GALNTL5: variants seen among roughly 807,000 people sequenced by gnomAD.
GALNTL5 encodes polypeptide N-acetylgalactosaminyltransferase like 5.
In GALNTL5, 44 loss-of-function variants were observed where a neutral mutation model predicts 51.0. That is an observed-to-expected ratio of 0.86 (90% CI 0.68 to 1.11). The LOEUF (loss-of-function observed/expected upper bound fraction) is 1.11, where lower values mean the gene tolerates loss of function less well. Ranked by LOEUF, GALNTL5 falls within the 50% of genes least tolerant of loss-of-function variation. GALNTL5 has a pLI of 0.00. For synonymous variants in GALNTL5, 192 were observed against 182.8 expected, an observed-to-expected ratio of 1.05 and a Z score of -0.41; for missense variants, 528 against 531.8, an observed-to-expected ratio of 0.99 and a Z score of 0.07.
intron 1 of GALNTL5, among the ~76,000 whole-genome samples, chr7:151,962,071 C>T (rs577913418): frequency 1.4e-5 from 2 of 147,862 alleles, no homozygotes; most frequent in African/African-American, 2.5e-5. Context: ...GGTGTGATCT[C>T]GGCTCACTGC....
intron 1 of GALNTL5, chr7:151,957,840 A>T (rs1371776589): frequency 1.3e-5 from 2 of 152,278 alleles, no homozygotes; most frequent in East Asian, 1.9e-4. Context: ...TCTTCTGAAG[A>T]CACAAAGTCC....
intron 3 of GALNTL5, among the ~76,000 whole-genome samples, chr7:151,977,860 T>C (rs2081227029): frequency 6.6e-6 from 1 of 152,178 alleles, no homozygotes; most frequent in African/African-American, 2.4e-5. Flanking sequence ...AAAAGTTGTG[T>C]ATCTTATTTC....
At chr7:151,989,433 G>A (rs1563014914) in intron 5 of GALNTL5, among the ~76,000 whole-genome samples, 1 of 152,164 alleles carries the variant, frequency 6.6e-6, no homozygotes, top group African/African-American at 2.4e-5. Context: ...GATTACAAGT[G>A]TGAGCCACTG....
chr7:152,003,709 G>C (rs1404850279), intron 6 of GALNTL5, among the ~76,000 whole-genome samples: 1 of 152,060 alleles, frequency 6.6e-6, no homozygotes, highest in Non-Finnish European at 1.5e-5. Context: ...AAAATAAACA[G>C]CATTAATCTT....
At chr7:151,959,422 C>T (rs2080965567) in intron 1 of GALNTL5, among the ~76,000 whole-genome samples, 1 of 152,090 alleles carries the variant, frequency 6.6e-6, no homozygotes, top group African/African-American at 2.4e-5. Flanking sequence ...GCCTTCTTCT[C>T]TTTATATATT....
chr7:151,996,506 G>C (rs980152677), intron 5 of GALNTL5, among the ~76,000 whole-genome samples: 3 of 152,224 alleles, frequency 2.0e-5, no homozygotes, highest in Non-Finnish European at 4.4e-5. Context: ...TTGGGAGGCT[G>C]AGGCGGGAGG....
chr7:151,957,891 G>C (rs1225443564), intron 1 of GALNTL5: 1 of 152,020 alleles, frequency 6.6e-6, no homozygotes. Flanking sequence ...CTCTTGATAG[G>C]AGGGGTTTTC....
At position 152,002,813 on chromosome 7, in the gene GALNTL5, G is replaced by A. The variant is rs576450198; in HGVS notation, c.758G>A (p.Cys253Tyr). ...AIAKDPKMVV[C>Y]PLIDVIDDRT... ...GCCAAGGACCCCAAAATGGTGGTGT[G>A]CCCCCTGATAGATGTCATTGATGAT... Residue 253 changes from cysteine (C) to tyrosine (Y), a missense_variant, in exon 6 of 9, where the codon TGC (cysteine) becomes TAC (tyrosine). Cys to Tyr is a radical substitution (Grantham distance 194). Coordinates refer to ENST00000392800, the MANE Select transcript of GALNTL5 (RefSeq NM_145292.4). 2 of 1,614,124 alleles carry A rather than the reference G, an allele frequency of 1.2e-6. No individual in the cohort carries two copies. The highest frequency in any genetic ancestry group is 2.7e-5 in the African/African-American group (2 of 75,024).
intron 6 of GALNTL5, among the ~76,000 whole-genome samples, chr7:152,004,801 G>C (rs901469745): frequency 6.6e-6 from 1 of 152,132 alleles, no homozygotes; most frequent in East Asian, 1.9e-4. Flanking sequence ...TTTTATGGCT[G>C]AATAGTATTC....
chr7:151,962,875 C>A (rs1034203082), intron 1 of GALNTL5, among the ~76,000 whole-genome samples: 1 of 152,188 alleles, frequency 6.6e-6, no homozygotes, highest in Non-Finnish European at 1.5e-5. Flanking sequence ...TCCCAAAGTG[C>A]TGGGATTCCA....
chr7:151,994,864 TCTC>T (rs55806718), intron 5 of GALNTL5: 106,068 of 151,116 alleles, frequency 0.7, 37,292 homozygotes, highest in Middle Eastern at 0.78. Flanking sequence ...TTCACACCAT[TCTC>T]CTGCCTCAGC....
At position 152,019,031 on chromosome 7, in the gene GALNTL5, C is replaced by T. The variant is rs139001398; in HGVS notation, c.1177-615C>T. Among the ~76,000 whole-genome samples, 85 of 152,310 alleles carry T rather than the reference C, an allele frequency of 5.6e-4. 1 individual carries two copies. The highest frequency in any genetic ancestry group is 3.4e-3 in the Middle Eastern group (1 of 294). ...ATTCATTCTTGGGGCTTCCTTAAGTCAGAGCACACAAAAAACTAACCAAGT... is the reference window on the plus strand; with the variant it reads ...ATTCATTCTTGGGGCTTCCTTAAGTTAGAGCACACAAAAAACTAACCAAGT... On this transcript the variant is annotated intron_variant, in intron 8 of 8. Transcript: ENST00000392800.
At chr7:151,959,867 A>AGAGG (rs2080971009) in intron 1 of GALNTL5, among the ~76,000 whole-genome samples, 1 of 152,086 alleles carries the variant, frequency 6.6e-6, no homozygotes. Flanking sequence ...GCAGTGGGCC[A>AGAGG]TTTCTGTAGG....
intron 7 of GALNTL5, 44 bp downstream of exon 7, chr7:152,007,988 C>A (rs779025338): frequency 1.0e-5 from 11 of 1,048,900 alleles, no homozygotes; most frequent in Non-Finnish European, 1.6e-5. Flanking sequence ...AGAGTGAAAC[C>A]TAACTTTGTC....
chr7:151,957,005 G>A (rs1477706303), intron 1 of GALNTL5, among the ~76,000 whole-genome samples: 1 of 151,932 alleles, frequency 6.6e-6, no homozygotes, highest in African/African-American at 2.4e-5. Context: ...GAAAGCTAGG[G>A]GTTAAAAATG....
chr7:151,957,197 G>A (rs1029472978), intron 1 of GALNTL5, among the ~76,000 whole-genome samples: 1 of 151,234 alleles, frequency 6.6e-6, no homozygotes. Flanking sequence ...AGAATTAGTT[G>A]TGATATTATC....
chr7:151,977,004 C>G (rs1352512021), intron 3 of GALNTL5, among the ~76,000 whole-genome samples: 1 of 152,084 alleles, frequency 6.6e-6, no homozygotes, highest in East Asian at 1.9e-4. Flanking sequence ...TACAGGAGGA[C>G]AGCCTGTTAC....
chr7:151,997,919 T>C (rs2151954334), intron 5 of GALNTL5, among the ~76,000 whole-genome samples: 1 of 152,268 alleles, frequency 6.6e-6, no homozygotes, highest in East Asian at 1.9e-4. Flanking sequence ...AATCAAACCA[T>C]AGCCAGGTGT....
Position 151,967,282 on chromosome 7 carries a change from G to A in GALNTL5, c.36G>A (p.Gly12=). The A allele has an allele frequency of 6.2e-7, 1 of 1,613,620 alleles. No homozygotes were observed. Residue 12 remains glycine (G), a synonymous_variant, in exon 2 of 9, where the codon GGG becomes GGA. Transcript: ENST00000392800. ...RNAIIQGLFY[G]SLTFGIWTAL... ...CCATAATTCAAGGTTTATTCTATGG[G>A]TCCTTGACATTTGGGATCTGGACAG...
Sources: gnomAD v4.1 joint callset for allele counts (sites outside exome capture counted in the v4.1 genomes callset) on GRCh38, gnomAD v4.1.1 for gene constraint, MANE v1.5 for transcripts, NCBI Gene and HGNC (gene_info 2026-07-23, HGNC 2026-07-21) for gene names.